Variants in HECTD2 observed in about 807,000 individuals in gnomAD.
HECTD2 encodes probable E3 ubiquitin-protein ligase HECTD2.
A neutral mutation model predicts 103.2 loss-of-function variants in HECTD2; 35 were observed. The ratio of observed to expected loss-of-function variants is 0.34; its 90% CI spans 0.26 to 0.45. HECTD2 has a LOEUF of 0.45. Ranked by LOEUF, HECTD2 falls within the 20% of genes least tolerant of loss-of-function variation. The probability of loss-of-function intolerance (pLI) is 1.00; values close to 1 mark genes in which losing one functional copy is unlikely to be tolerated. For missense variants in HECTD2, 596 were observed against 937.4 expected (o/e 0.64, Z 4.76); for synonymous variants, 281 against 329.9 (o/e 0.85, Z 1.61).
At chr10:91,502,215 A>G (rs1846929438) in intron 20 of HECTD2, among the ~76,000 whole-genome samples, 1 of 152,134 alleles carries the variant, frequency 6.6e-6, no homozygotes, top group Non-Finnish European at 1.5e-5. Flanking sequence ...ACCCCAGGCT[A>G]TCTACCAGTT....
intron 1 of HECTD2, among the ~76,000 whole-genome samples, chr10:91,423,711 T>C (rs1843445236): frequency 6.6e-6 from 1 of 152,148 alleles, no homozygotes. Context: ...CTTAATTCTA[T>C]GTGTATAGTG....
intron 2 of HECTD2, among the ~76,000 whole-genome samples, chr10:91,441,967 A>C (rs971475995): frequency 2.0e-5 from 1 of 50,816 alleles, no homozygotes; most frequent in African/African-American, 1.4e-4. Context: ...ATTTTAGCCT[A>C]TGTGTGTCTT....
chr10:91,424,883 C>T (rs1017223736), intron 1 of HECTD2, among the ~76,000 whole-genome samples: 11 of 151,802 alleles, frequency 7.2e-5, no homozygotes, highest in Admixed American at 5.9e-4. Flanking sequence ...TCACATGCAT[C>T]CTATTTATTA....
At chr10:91,468,120 C>T (rs1845597186) in intron 5 of HECTD2, among the ~76,000 whole-genome samples, 1 of 152,146 alleles carries the variant, frequency 6.6e-6, no homozygotes, top group South Asian at 2.1e-4. Context: ...ACTGCCACTA[C>T]CCCAGTCAAG....
intron 16 of HECTD2, among the ~76,000 whole-genome samples, chr10:91,498,415 T>G (rs895973992): frequency 6.6e-6 from 1 of 152,206 alleles, no homozygotes; most frequent in Admixed American, 6.5e-5. Context: ...CAATTACATA[T>G]CCCCTTGAGT....
At chr10:91,506,825 A>G (rs1451421408) in intron 20 of HECTD2, among the ~76,000 whole-genome samples, 6 of 151,700 alleles carry the variant, frequency 4.0e-5, no homozygotes, top group South Asian at 2.1e-4. Flanking sequence ...CAACCAAAAA[A>G]GAGAATTTTA....
intron 16 of HECTD2, 136 bp downstream of exon 16, chr10:91,498,318 C>T: frequency 1.6e-6 from 1 of 616,480 alleles, no homozygotes; most frequent in Non-Finnish European, 2.9e-6. Flanking sequence ...CTTAAAGGAC[C>T]TTAACCTGAT....
chr10:91,461,950 A>G (rs1845367553), intron 4 of HECTD2, 145 bp from the exon 5 acceptor site: 1 of 604,986 alleles, frequency 1.7e-6, no homozygotes, highest in Non-Finnish European at 2.8e-6. Context: ...ATTTCTTTTT[A>G]TTTTCAGAAA....
intron 8 of HECTD2, chr10:91,484,216 A>G (rs1157959086): frequency 7.9e-6 from 5 of 634,270 alleles, no homozygotes; most frequent in Non-Finnish European, 1.3e-5. Context: ...AATTTTACCA[A>G]GTAGGCAAAT....
At position 91,414,314 on chromosome 10, in the gene HECTD2, G is replaced by C. The variant is rs542399878; in HGVS notation, c.138+3738G>C. On this transcript the variant is annotated intron_variant, in intron 1 of 20. Transcript: ENST00000298068. ...TGGAAGACAAGGGGAAGAGTTTGAGGGTGAGCATAAGGTGTGTCGAGAGAA... is the reference window on the plus strand; with the variant it reads ...TGGAAGACAAGGGGAAGAGTTTGAGCGTGAGCATAAGGTGTGTCGAGAGAA... 3.3e-5 allele frequency among the ~76,000 whole-genome samples: 5 copies of C among 152,250 alleles called. No individual in the cohort carries two copies. In the South Asian group the frequency reaches 1.0e-3, roughly 32 times the overall value.
intron 1 of HECTD2, 32 bp downstream of exon 1, chr10:91,410,608 CG>C (rs71025355): frequency 1 from 1,317,465 of 1,317,540 alleles, 658,695 homozygotes; most frequent in Middle Eastern, 1. Flanking sequence ...TCTGGCGCCC[CG>C]GACGGCGGGA....
intron 11 of HECTD2, among the ~76,000 whole-genome samples, chr10:91,490,947 C>G (rs1404686859): frequency 2.9e-5 from 4 of 138,526 alleles, no homozygotes; most frequent in Non-Finnish European, 6.2e-5. Context: ...AACTGTGATG[C>G]AACATTTTTT....
In HECTD2 at chr10:91,418,222, T is replaced by C. The variant is rs571257545; in HGVS notation, c.139-7059T>C. Among the ~76,000 whole-genome samples the C allele has an allele frequency of 9.2e-5, 14 of 152,350 alleles. No homozygotes were observed. The South Asian group carries it at 2.9e-3, about 32-fold the overall frequency. On this transcript the variant is annotated intron_variant, in intron 1 of 20. Coordinates refer to ENST00000298068, the MANE Select transcript of HECTD2 (RefSeq NM_182765.6). ...AACAAGACTCTTAATTGATTGAGAA[T>C]TTTGACTGGATCAAATTGCATATTT... is the stretch of plus-strand genomic sequence containing the variant.
chr10:91,501,079 A>G, intron 19 of HECTD2, 112 bp from the exon 20 acceptor site: 1 of 806,696 alleles, frequency 1.2e-6, no homozygotes, highest in Non-Finnish European at 2.0e-6. Flanking sequence ...ACAGAAATTC[A>G]GGATATTATG....
At chr10:91,425,976 G>C (rs562086258) in intron 2 of HECTD2, among the ~76,000 whole-genome samples, 2 of 151,948 alleles carry the variant, frequency 1.3e-5, no homozygotes, top group Non-Finnish European at 2.9e-5. Context: ...ACTAAATTAT[G>C]TTAATCTATA....
chr10:91,473,354 C>T (rs746850709), intron 5 of HECTD2, among the ~76,000 whole-genome samples: 6 of 151,994 alleles, frequency 3.9e-5, no homozygotes, highest in Non-Finnish European at 7.4e-5. Context: ...TTGATGTAGC[C>T]GGAGAAACTG....
In HECTD2 at chr10:91,493,521, C is replaced by T. The variant is rs373221732; in HGVS notation, c.1521+13C>T. 176 of 1,379,842 alleles carry T rather than the reference C, an allele frequency of 1.3e-4. No homozygotes were observed. The highest frequency in any genetic ancestry group is 4.7e-4 in the African/African-American group (32 of 67,568). The allele number at this position is 1,379,842 out of a possible 1,614,324, so 85.5% of individuals were successfully genotyped here. On this transcript the variant is annotated intron_variant, in intron 14 of 20. Coordinates refer to ENST00000298068, the MANE Select transcript of HECTD2 (RefSeq NM_182765.6). ...ATTGGTTGGAATTGTATCCTTTAAACTTTCCACTAGGAGGTGCTAATAGAT... is the reference window on the plus strand; with the variant it reads ...ATTGGTTGGAATTGTATCCTTTAAATTTTCCACTAGGAGGTGCTAATAGAT...
intron 2 of HECTD2, among the ~76,000 whole-genome samples, chr10:91,429,484 T>C (rs1350285061): frequency 2.0e-5 from 3 of 152,132 alleles, no homozygotes; most frequent in Admixed American, 1.3e-4. Context: ...TCTGGTAGAA[T>C]TTGGCTGTGA....
chr10:91,504,280 T>TGAC (rs1404771078), intron 20 of HECTD2, among the ~76,000 whole-genome samples: 1 of 152,218 alleles, frequency 6.6e-6, no homozygotes, highest in African/African-American at 2.4e-5. Flanking sequence ...GGACGGAGAA[T>TGAC]GACTTTGACA....
Sources: allele counts gnomAD v4.1 joint callset (sites outside exome capture counted in the v4.1 genomes callset), GRCh38; gene constraint gnomAD v4.1.1; transcripts MANE v1.5; gene names NCBI Gene and HGNC (gene_info 2026-07-23, HGNC 2026-07-21).